Variants in SPAG16 observed in about 807,000 individuals in gnomAD.
SPAG16 encodes sperm-associated antigen 16 protein.
SPAG16 carries 86 observed loss-of-function variants against 80.4 expected under a neutral mutation model. That is an observed-to-expected ratio of 1.07 (90% CI 0.90 to 1.28). The LOEUF is 1.28. Ranked by LOEUF, SPAG16 falls within the 50% of genes most tolerant of loss-of-function variation. SPAG16 has a pLI of 0.00. For missense variants in SPAG16, 870 were observed against 765.3 expected (o/e 1.14, Z -1.61); for synonymous variants, 294 against 265.9 (o/e 1.11, Z -1.03).
chr2:214,212,904 T>C (rs896609534), intron 15 of SPAG16, among the ~76,000 whole-genome samples: 1 of 152,216 alleles, frequency 6.6e-6, no homozygotes, highest in African/African-American at 2.4e-5. Context: ...CACTAGAACA[T>C]GTAAGTCCAC....
chr2:213,856,886 C>T (rs554764464), intron 10 of SPAG16, among the ~76,000 whole-genome samples: 39 of 152,202 alleles, frequency 2.6e-4, no homozygotes, highest in African/African-American at 7.0e-4. Flanking sequence ...GAAGCTATAA[C>T]GAGTTATCCA....
chr2:214,399,483 T>G (rs1047425591), intron 15 of SPAG16, among the ~76,000 whole-genome samples: 2 of 152,066 alleles, frequency 1.3e-5, no homozygotes, highest in African/African-American at 4.8e-5. Flanking sequence ...AATCTGACAG[T>G]GGCTTTCCCC....
chr2:214,030,717 T>G (rs1479731942), intron 13 of SPAG16, among the ~76,000 whole-genome samples: 1 of 152,206 alleles, frequency 6.6e-6, no homozygotes, highest in African/African-American at 2.4e-5. Flanking sequence ...CCTAGGAGAC[T>G]GTAACAGATG....
At chr2:213,661,019 C>T (rs1007923138) in intron 10 of SPAG16, among the ~76,000 whole-genome samples, 1 of 152,168 alleles carries the variant, frequency 6.6e-6, no homozygotes, top group African/African-American at 2.4e-5. Context: ...ATTCCTTTGA[C>T]TCTGCCAGAT....
At chr2:214,232,598 C>A (rs1025872403) in intron 15 of SPAG16, among the ~76,000 whole-genome samples, 5 of 151,316 alleles carry the variant, frequency 3.3e-5, no homozygotes, top group Admixed American at 6.6e-5. Context: ...GGGGGGGGCT[C>A]AGATTGTATT....
At chr2:213,728,058 A>C (rs756867542) in intron 10 of SPAG16, among the ~76,000 whole-genome samples, 45 of 152,262 alleles carry the variant, frequency 3.0e-4, no homozygotes, top group Non-Finnish European at 6.0e-4. Context: ...TACGTTGGTC[A>C]GGCTGGTCTC....
chr2:213,471,395 A>T (rs534495647), intron 9 of SPAG16, among the ~76,000 whole-genome samples: 6 of 152,206 alleles, frequency 3.9e-5, no homozygotes, highest in Non-Finnish European at 7.4e-5. Flanking sequence ...TTATGACTAG[A>T]TGGGTCAGAA....
intron 12 of SPAG16, among the ~76,000 whole-genome samples, chr2:214,008,839 TG>T (rs1266973921): frequency 6.6e-6 from 1 of 152,212 alleles, no homozygotes; most frequent in Non-Finnish European, 1.5e-5. Context: ...TGAGTTCTGT[TG>T]TAAGGAGCAG....
chr2:213,765,428 C>T lies in SPAG16; in HGVS notation c.1071-97057C>T, dbSNP rs537761045. 9.9e-5 allele frequency among the ~76,000 whole-genome samples: 15 copies of T among 152,238 alleles called. No individual in the cohort carries two copies. The East Asian group carries it at 2.9e-3, about 29-fold the overall frequency. The stretch of plus-strand genomic sequence containing the variant: ...CAGAAATTTCAGTGATTTATTTTTT[C>T]ATCAGGCTTAGAAGAATGGAGATAG... On this transcript the variant is annotated intron_variant, in intron 10 of 15. Transcript: ENST00000331683.
At chr2:213,672,964 T>C (rs2125227797) in intron 10 of SPAG16, among the ~76,000 whole-genome samples, 1 of 152,134 alleles carries the variant, frequency 6.6e-6, no homozygotes, top group Admixed American at 6.5e-5. Flanking sequence ...GTTCACCCAT[T>C]GTCCTGCCTC....
chr2:213,821,422 T>G (rs1656909447), intron 10 of SPAG16, among the ~76,000 whole-genome samples: 2 of 152,158 alleles, frequency 1.3e-5, no homozygotes, highest in South Asian at 4.1e-4. Context: ...TTTTAAATTT[T>G]TAATTGTGTG....
At chr2:214,326,232 A>G (rs943410680) in intron 15 of SPAG16, among the ~76,000 whole-genome samples, 2 of 152,334 alleles carry the variant, frequency 1.3e-5, no homozygotes, top group East Asian at 1.9e-4. Context: ...GAGACAAAAC[A>G]GAACAGAAGA....
chr2:213,364,548 G>A (rs1353409176), intron 8 of SPAG16: 1 of 154,236 alleles, frequency 6.5e-6, no homozygotes, highest in Non-Finnish European at 1.5e-5. Context: ...TCTGTGGAAA[G>A]TTCCAAACTG....
chr2:214,365,808 GTTTC>G (rs1699441970), intron 15 of SPAG16, among the ~76,000 whole-genome samples: 1 of 152,068 alleles, frequency 6.6e-6, no homozygotes, highest in African/African-American at 2.4e-5. Flanking sequence ...TTCAAGATCT[GTTTC>G]TTTCTACAAG....
intron 15 of SPAG16, among the ~76,000 whole-genome samples, chr2:214,242,064 A>G (rs576021655): frequency 1.1e-4 from 16 of 152,326 alleles, no homozygotes; most frequent in Non-Finnish European, 2.1e-4. Flanking sequence ...TGTTACTATA[A>G]TTCTATATTT....
At chr2:214,174,848 T>C (rs2057015242) in intron 15 of SPAG16, among the ~76,000 whole-genome samples, 1 of 151,670 alleles carries the variant, frequency 6.6e-6, no homozygotes, top group African/African-American at 2.4e-5. Context: ...ATAAATATTT[T>C]CCACTACTAG....
intron 13 of SPAG16, among the ~76,000 whole-genome samples, chr2:214,067,135 T>C (rs951778048): frequency 6.6e-6 from 1 of 152,116 alleles, no homozygotes; most frequent in Non-Finnish European, 1.5e-5. Flanking sequence ...CAGCTTTCTA[T>C]GTGAAGAAAG....
intron 15 of SPAG16, among the ~76,000 whole-genome samples, chr2:214,180,684 G>T (rs1461107821): frequency 6.6e-6 from 1 of 151,704 alleles, no homozygotes; most frequent in Non-Finnish European, 1.5e-5. Context: ...TATACTTGGA[G>T]TTAAGACACC....
chr2:213,950,926 TG>T (rs1341496800), intron 12 of SPAG16, among the ~76,000 whole-genome samples: 1 of 151,738 alleles, frequency 6.6e-6, no homozygotes, highest in Admixed American at 6.6e-5. Context: ...TTGCCCAGGC[TG>T]GCCTTGAATT....
Sources: gnomAD v4.1 joint callset for allele counts (sites outside exome capture counted in the v4.1 genomes callset) on GRCh38, gnomAD v4.1.1 for gene constraint, MANE v1.5 for transcripts, NCBI Gene and HGNC (gene_info 2026-07-23, HGNC 2026-07-21) for gene names.